Variants in DAP3 observed in about 807,000 individuals in gnomAD.
DAP3 encodes small ribosomal subunit protein mS29.
In DAP3, 28 loss-of-function variants were observed where a neutral mutation model predicts 51.9. That is an observed-to-expected ratio of 0.54 (90% CI 0.40 to 0.74). The LOEUF is 0.74. DAP3 is among the 30% of genes least tolerant of loss of function. DAP3 has a pLI of 0.00. For synonymous variants in DAP3, 170 were observed against 170.3 expected (o/e 1.00, Z 0.01); for missense variants, 458 against 483.5 (o/e 0.95, Z 0.49).
intron 11 of DAP3, among the ~76,000 whole-genome samples, chr1:155,734,143 T>A (rs1489594468): frequency 1.3e-5 from 2 of 151,710 alleles, no homozygotes; most frequent in African/African-American, 4.8e-5. Flanking sequence ...GGCAATAGAG[T>A]GCGGCCCTAT....
chr1:155,696,373 T>C (rs182133596), intron 1 of DAP3, among the ~76,000 whole-genome samples: 7 of 152,286 alleles, frequency 4.6e-5, no homozygotes, highest in Admixed American at 3.3e-4. Flanking sequence ...CCTCAATATT[T>C]AGAAAATATT....
intron 1 of DAP3, among the ~76,000 whole-genome samples, chr1:155,693,352 A>T (rs1370948823): frequency 7.0e-6 from 1 of 141,922 alleles, no homozygotes; most frequent in Non-Finnish European, 1.5e-5. Flanking sequence ...TTTTCCCTCA[A>T]GGTAATATTT....
At chr1:155,734,748 C>T (rs1659586378) in intron 11 of DAP3, among the ~76,000 whole-genome samples, 1 of 152,058 alleles carries the variant, frequency 6.6e-6, no homozygotes, top group Admixed American at 6.6e-5. Flanking sequence ...TATGCATATA[C>T]ATGTTTATAC....
intron 11 of DAP3, among the ~76,000 whole-genome samples, chr1:155,736,229 C>T (rs976495903): frequency 2.0e-5 from 3 of 151,962 alleles, no homozygotes; most frequent in East Asian, 1.9e-4. Flanking sequence ...TGACCTCAGG[C>T]GATCTGCCCT....
intron 1 of DAP3, among the ~76,000 whole-genome samples, chr1:155,705,132 A>C (rs1655788875): frequency 6.6e-6 from 1 of 150,454 alleles, no homozygotes; most frequent in South Asian, 2.1e-4. Flanking sequence ...TCTCTACAAA[A>C]TAAAAAAGCC....
intron 1 of DAP3, among the ~76,000 whole-genome samples, chr1:155,698,550 A>T (rs938490053): frequency 3.3e-5 from 5 of 152,108 alleles, no homozygotes; most frequent in Non-Finnish European, 1.5e-5. Context: ...CTCATCATCT[A>T]TCTGAAAAGC....
chr1:155,719,600 G>A (rs1657755274), intron 3 of DAP3, among the ~76,000 whole-genome samples: 1 of 151,652 alleles, frequency 6.6e-6, no homozygotes, highest in South Asian at 2.1e-4. Context: ...CCAGGCTGGA[G>A]TGCAGTGGCG....
chr1:155,729,100 C>T lies in DAP3; in HGVS notation c.662C>T (p.Pro221Leu), dbSNP rs748394462. 1.5e-5 allele frequency: 25 copies of T among 1,613,900 alleles called. No individual in the cohort carries two copies. The highest frequency in any genetic ancestry group is 1.9e-5 in the Non-Finnish European group (22 of 1,180,014). Reference sequence around the variant, plus strand: ...AGAGAAAGCACTGAGAAAGGGAGTCCTCTGGGAGAAGTGGTTGAACAGGTA... The same window carrying T: ...AGAGAAAGCACTGAGAAAGGGAGTCTTCTGGGAGAAGTGGTTGAACAGGTA... ...NKRESTEKGS[P>L]LGEVVEQGIT... Residue 221 changes from proline (P) to leucine (L), a missense_variant, in exon 8 of 13, where the codon CCT (proline) becomes CTT (leucine). Transcript: ENST00000368336.
At chr1:155,692,162 A>T (rs1351211394) in intron 1 of DAP3, among the ~76,000 whole-genome samples, 1 of 141,780 alleles carries the variant, frequency 7.1e-6, no homozygotes, top group East Asian at 1.9e-4. Context: ...AGGAGCCTGC[A>T]TATCTAGCCA....
At chr1:155,700,547 C>T (rs1163238796) in intron 1 of DAP3, among the ~76,000 whole-genome samples, 10 of 151,218 alleles carry the variant, frequency 6.6e-5, no homozygotes, top group Admixed American at 3.3e-4. Flanking sequence ...CCCGGCCAGC[C>T]GCCCCATCCG....
At position 155,729,378 on chromosome 1, in the gene DAP3, G is replaced by C. The variant is rs983130426; in HGVS notation, c.843+12G>C. 6.2e-7 allele frequency: 1 copy of C among 1,612,864 alleles called. No homozygotes were observed. On this transcript the variant is annotated intron_variant, in intron 9 of 12. Transcript: ENST00000368336. ...AAGATAAAAGCCCGGTAGGAAAACT[G>C]GGTGTCTCTATCTTGTTTCTCTGAT...
Position 155,738,380 on chromosome 1 carries a change from C to G in DAP3, c.*138C>G. On this transcript the variant is annotated 3_prime_UTR_variant, in exon 13 of 13. Transcript: ENST00000368336. ...GGATTGGACAGGACTGCAGTTGGCTCTGGACCTGCATTAAAATGGGTTTCA... is the reference window on the plus strand; with the variant it reads ...GGATTGGACAGGACTGCAGTTGGCTGTGGACCTGCATTAAAATGGGTTTCA... 1 of 753,084 alleles carries G rather than the reference C, an allele frequency of 1.3e-6. No individual in the cohort carries two copies. Among genetic ancestry groups the G allele is most frequent in the Non-Finnish European group, 2.1e-6 (1 of 484,092 alleles). 46.7% of individuals were successfully genotyped at this position (753,084 alleles called of 1,614,324 possible). A position where few individuals can be genotyped will look rare whatever the true frequency, so the allele number is the denominator to read the frequency against.
intron 1 of DAP3, among the ~76,000 whole-genome samples, chr1:155,690,489 G>A (rs912962546): frequency 7.1e-6 from 1 of 141,446 alleles, no homozygotes; most frequent in South Asian, 2.1e-4. Context: ...AAAGTTAGCC[G>A]AGATCACGCC....
chr1:155,718,769 T>C (rs1027894302), intron 3 of DAP3, among the ~76,000 whole-genome samples: 7 of 151,172 alleles, frequency 4.6e-5, no homozygotes, highest in Non-Finnish European at 7.4e-5. Flanking sequence ...GATGAAGATA[T>C]ATATATATAC....
At chr1:155,697,153 G>C (rs1654630510) in intron 1 of DAP3, among the ~76,000 whole-genome samples, 1 of 152,216 alleles carries the variant, frequency 6.6e-6, no homozygotes, top group Admixed American at 6.5e-5. Context: ...GTTCGACCCA[G>C]ACAGGATGCT....
chr1:155,703,907 C>T (rs1355229006), intron 1 of DAP3, among the ~76,000 whole-genome samples: 1 of 152,092 alleles, frequency 6.6e-6, no homozygotes, highest in Non-Finnish European at 1.5e-5. Flanking sequence ...CAGCACTTTG[C>T]GAGGCTAGGG....
intron 6 of DAP3, 42 bp downstream of exon 6, chr1:155,726,061 T>C: frequency 6.5e-7 from 1 of 1,538,002 alleles, no homozygotes; most frequent in South Asian, 1.1e-5. Flanking sequence ...TAGGTTTAGT[T>C]ATCCTGTTAC....
At chr1:155,725,576 G>A in intron 5 of DAP3, 86 bp downstream of exon 5, 3 of 1,289,254 alleles carry the variant, frequency 2.3e-6, no homozygotes, top group Middle Eastern at 1.9e-4. Context: ...AAAAAGTACT[G>A]TTGAGGCCGG....
In DAP3 at chr1:155,691,473, C is replaced by T. The variant is rs541353733; in HGVS notation, c.-8+2299C>T. Among the ~76,000 whole-genome samples the T allele has an allele frequency of 9.9e-5, 14 of 142,006 alleles. 2 individuals carry two copies. The highest frequency in any genetic ancestry group is 6.2e-4 in the South Asian group (3 of 4,828). The allele number at this position is 142,006 out of a possible 152,430, so 93.2% of individuals were successfully genotyped here. A position where few individuals can be genotyped will look rare whatever the true frequency, so the allele number is the denominator to read the frequency against. ...AATATTCCATTATATGGCTATACCA[C>T]GTTATGTTTATTCATCAATTGATGG... On this transcript the variant is annotated intron_variant, in intron 1 of 12. Coordinates refer to ENST00000368336, the MANE Select transcript of DAP3 (RefSeq NM_004632.4).
Sources: gnomAD v4.1 joint callset for allele counts (sites outside exome capture counted in the v4.1 genomes callset) on GRCh38, gnomAD v4.1.1 for gene constraint, MANE v1.5 for transcripts, NCBI Gene and HGNC (gene_info 2026-07-23, HGNC 2026-07-21) for gene names.